The following SNTG1 variants were observed in gnomAD, a reference collection of about 807,000 sequenced individuals.
The protein encoded by SNTG1 is gamma-1-syntrophin.
Under a neutral mutation model 74.7 loss-of-function variants are expected in SNTG1, and 39 were observed. That is an observed-to-expected ratio of 0.52 (90% CI 0.40 to 0.68). SNTG1 has a LOEUF of 0.68. SNTG1 is among the 30% of genes least tolerant of loss of function. The pLI, the probability that SNTG1 is intolerant of heterozygous loss-of-function variation, is 0.00. For missense variants in SNTG1, 685 were observed against 609.5 expected (o/e 1.12, Z -1.30); for synonymous variants, 254 against 217.1 (o/e 1.17, Z -1.49).
intron 15 of SNTG1, among the ~76,000 whole-genome samples, chr8:50,683,696 A>G (rs2131400198): frequency 6.6e-6 from 1 of 152,330 alleles, no homozygotes; most frequent in Middle Eastern, 3.4e-3. Flanking sequence ...ATATGAGTCC[A>G]TTCTGCTACT....
At position 50,388,391 on chromosome 8, in the gene SNTG1, T is replaced by C. The variant is rs943244293; in HGVS notation, c.-27-5821T>C. 4.6e-5 allele frequency among the ~76,000 whole-genome samples: 7 copies of C among 152,166 alleles called. 1 individual carries two copies. Among genetic ancestry groups the C allele is most frequent in the African/African-American group, 1.7e-4 (7 of 41,454 alleles). ...GTATCTCTATTGCCTCTTTGTGCCA[T>C]GGACTACCAGTGTTCTTGTTAATAC... On this transcript the variant is annotated intron_variant, in intron 2 of 18. Coordinates refer to ENST00000642720, the MANE Select transcript of SNTG1 (RefSeq NM_018967.5).
chr8:50,061,064 A>G (rs1820430258), intron 1 of SNTG1, among the ~76,000 whole-genome samples: 1 of 152,178 alleles, frequency 6.6e-6, no homozygotes, highest in South Asian at 2.1e-4. Flanking sequence ...GGCCTTAAAA[A>G]TGAGTTGGAA....
chr8:50,774,149 T>G (rs1022105188), intron 18 of SNTG1, among the ~76,000 whole-genome samples: 2 of 151,908 alleles, frequency 1.3e-5, no homozygotes, highest in Admixed American at 6.6e-5. Context: ...TAAGTTATAC[T>G]GTCATATATA....
At chr8:50,089,369 C>T (rs922620849) in intron 1 of SNTG1, among the ~76,000 whole-genome samples, 67 of 150,292 alleles carry the variant, frequency 4.5e-4, no homozygotes, top group African/African-American at 1.6e-3. Flanking sequence ...GTCTAAAACA[C>T]CAAAAGCAAT....
intron 13 of SNTG1, among the ~76,000 whole-genome samples, chr8:50,625,708 T>C (rs2094952084): frequency 6.6e-6 from 1 of 152,226 alleles, no homozygotes; most frequent in African/African-American, 2.4e-5. Flanking sequence ...TGACAAAAAG[T>C]ATTCAATTCT....
At chr8:49,990,374 T>C (rs1429932799) in intron 1 of SNTG1, among the ~76,000 whole-genome samples, 1 of 152,044 alleles carries the variant, frequency 6.6e-6, no homozygotes, top group Non-Finnish European at 1.5e-5. Flanking sequence ...TTATACAATC[T>C]TTATTAGATT....
chr8:50,334,774 G>A (rs532915410), intron 2 of SNTG1, among the ~76,000 whole-genome samples: 30 of 152,216 alleles, frequency 2.0e-4, no homozygotes, highest in African/African-American at 7.0e-4. Context: ...TGGATTAAAT[G>A]GGATAATAGA....
At chr8:49,996,464 G>A (rs1308667662) in intron 1 of SNTG1, among the ~76,000 whole-genome samples, 1 of 151,782 alleles carries the variant, frequency 6.6e-6, no homozygotes, top group Non-Finnish European at 1.5e-5. Flanking sequence ...TTTTCCTTCA[G>A]TTCTAATTTT....
At chr8:50,264,855 C>A (rs1465234994) in intron 2 of SNTG1, among the ~76,000 whole-genome samples, 1 of 151,946 alleles carries the variant, frequency 6.6e-6, no homozygotes, top group Non-Finnish European at 1.5e-5. Flanking sequence ...CTATAAAAAA[C>A]TCTATGTCAA....
At chr8:50,353,076 T>C (rs950736081) in intron 2 of SNTG1, among the ~76,000 whole-genome samples, 3 of 151,860 alleles carry the variant, frequency 2.0e-5, no homozygotes, top group Admixed American at 6.6e-5. Flanking sequence ...TATGCAGCCA[T>C]AAAAAGTGAT....
At chr8:49,972,573 A>T (rs1335280556) in intron 1 of SNTG1, among the ~76,000 whole-genome samples, 1 of 152,112 alleles carries the variant, frequency 6.6e-6, no homozygotes, top group Admixed American at 6.6e-5. Flanking sequence ...ATCAGAGTGA[A>T]CAGGCAACCT....
intron 8 of SNTG1, among the ~76,000 whole-genome samples, chr8:50,469,776 T>C (rs895260560): frequency 6.6e-6 from 1 of 152,096 alleles, no homozygotes; most frequent in African/African-American, 2.4e-5. Flanking sequence ...GCCAGGAGTT[T>C]AAAATCAGCC....
chr8:50,088,668 G>C (rs1292225634), intron 1 of SNTG1, among the ~76,000 whole-genome samples: 1 of 134,420 alleles, frequency 7.4e-6, no homozygotes, highest in Admixed American at 8.2e-5. Flanking sequence ...GCTTCAAAGA[G>C]AATAAAATAC....
chr8:49,918,610 A>ATCTGTTG (rs60978811), intron 1 of SNTG1, among the ~76,000 whole-genome samples: 14,191 of 152,220 alleles, frequency 0.093, 923 homozygotes, highest in South Asian at 0.2. Context: ...AATTGGAGGC[A>ATCTGTTG]GATGTCTTAT....
chr8:50,244,433 G>A (rs771491514), intron 2 of SNTG1, among the ~76,000 whole-genome samples: 2 of 152,094 alleles, frequency 1.3e-5, no homozygotes, highest in Non-Finnish European at 2.9e-5. Flanking sequence ...TCCAACCTTA[G>A]ATCCTCTTGT....
intron 13 of SNTG1, among the ~76,000 whole-genome samples, chr8:50,654,992 C>T (rs946240732): frequency 2.0e-5 from 3 of 152,190 alleles, no homozygotes; most frequent in African/African-American, 7.2e-5. Flanking sequence ...TCTCATGTGA[C>T]ATTTCCGTGT....
intron 2 of SNTG1, among the ~76,000 whole-genome samples, chr8:50,199,200 C>A (rs115060598): frequency 6.7e-6 from 1 of 149,390 alleles, no homozygotes; most frequent in African/African-American, 2.5e-5. Flanking sequence ...TGAAACACAA[C>A]GATTAGGACT....
chr8:50,447,997 C>T (rs996050940), intron 5 of SNTG1, among the ~76,000 whole-genome samples: 1 of 152,144 alleles, frequency 6.6e-6, no homozygotes, highest in African/African-American at 2.4e-5. Flanking sequence ...TAAATAAGCA[C>T]TTGATTTCCA....
intron 13 of SNTG1, among the ~76,000 whole-genome samples, chr8:50,599,553 T>G (rs1489331499): frequency 6.6e-6 from 1 of 152,076 alleles, no homozygotes; most frequent in Non-Finnish European, 1.5e-5. Flanking sequence ...GTTTTATAGT[T>G]TTCTTTGAGG....
Sources: gnomAD v4.1 joint callset for allele counts (sites outside exome capture counted in the v4.1 genomes callset) on GRCh38, gnomAD v4.1.1 for gene constraint, MANE v1.5 for transcripts, NCBI Gene and HGNC (gene_info 2026-07-23, HGNC 2026-07-21) for gene names.